Variants in LIN7A observed in about 807,000 individuals in gnomAD.
LIN7A encodes lin-7 cell polarity scaffold A, also known as protein lin-7 homolog A.
Under a neutral mutation model 29.8 loss-of-function variants are expected in LIN7A, and 25 were observed. The ratio of observed to expected loss-of-function variants is 0.84; its 90% CI spans 0.61 to 1.17. The LOEUF (loss-of-function observed/expected upper bound fraction) is 1.17. LIN7A is among the 50% of genes most tolerant of loss of function. The pLI, the probability that LIN7A is intolerant of heterozygous loss-of-function variation, is 0.00. For synonymous variants in LIN7A, 118 were observed against 107.5 expected, an observed-to-expected ratio of 1.10 and a Z score of -0.60; for missense variants, 239 against 287.0, an observed-to-expected ratio of 0.83 and a Z score of 1.21.
chr12:80,845,540 A>C lies in LIN7A; in HGVS notation c.483+190T>G, dbSNP rs2121548899. 8.0e-6 allele frequency: 4 copies of C among 500,792 alleles called. No homozygotes were observed. In the East Asian group the frequency reaches 1.3e-4, roughly 16 times the overall value. The allele number at this position is 500,792 out of a possible 1,614,324, so 31.0% of individuals were successfully genotyped here. A position where few individuals can be genotyped will look rare whatever the true frequency, so the allele number is the denominator to read the frequency against. ...ACTCACTGATATTTATCATAACTGAACATAATGAAATGAGACATAAAAATT... is the reference window on the plus strand; with the variant it reads ...ACTCACTGATATTTATCATAACTGACCATAATGAAATGAGACATAAAAATT... On this transcript the variant is annotated intron_variant, in intron 4 of 5. Coordinates refer to ENST00000552864, the MANE Select transcript of LIN7A (RefSeq NM_004664.4).
At chr12:80,881,551 A>G (rs983870326) in intron 2 of LIN7A, among the ~76,000 whole-genome samples, 33 of 152,290 alleles carry the variant, frequency 2.2e-4, no homozygotes, top group African/African-American at 7.0e-4. Context: ...AAATATTAAA[A>G]CATTAAATAC....
chr12:80,923,138 A>G (rs1378279002), intron 1 of LIN7A, among the ~76,000 whole-genome samples: 3 of 152,168 alleles, frequency 2.0e-5, no homozygotes, highest in Admixed American at 6.5e-5. Context: ...AAGAAAGGCG[A>G]ACTTGCACTC....
At chr12:80,918,076 C>T (rs1254540003) in intron 1 of LIN7A, among the ~76,000 whole-genome samples, 2 of 151,916 alleles carry the variant, frequency 1.3e-5, no homozygotes, top group Non-Finnish European at 2.9e-5. Context: ...GAGACATCAT[C>T]TCCCTGTGTC....
intron 5 of LIN7A, among the ~76,000 whole-genome samples, chr12:80,810,671 C>T (rs1363561624): frequency 2.0e-5 from 3 of 152,154 alleles, no homozygotes; most frequent in Non-Finnish European, 4.4e-5. Flanking sequence ...TCCATATTGT[C>T]TGTCAAATTG....
intron 4 of LIN7A, among the ~76,000 whole-genome samples, chr12:80,830,938 T>G (rs1351665985): frequency 6.6e-6 from 1 of 152,196 alleles, no homozygotes; most frequent in African/African-American, 2.4e-5. Context: ...CTCCCTGCCA[T>G]AGCATCCCCT....
At position 80,793,849 on chromosome 12, in the gene LIN7A, T is replaced by C. The variant is rs996685950; in HGVS notation, c.*3878A>G. On this transcript the variant is annotated 3_prime_UTR_variant, in exon 6 of 6. Transcript: ENST00000552864. ...TTTTTATATAAAAATGAAAATATCT[T>C]TTATAAAATTTAAAAATGGGGTTTT... The C allele has an allele frequency of 6.6e-6, 1 of 152,136 alleles. No homozygotes were observed. The allele number at this position is 152,136 out of a possible 1,614,324, so 9.4% of individuals were successfully genotyped here.
At chr12:80,800,404 G>T (rs958772572) in intron 5 of LIN7A, among the ~76,000 whole-genome samples, 1 of 139,550 alleles carries the variant, frequency 7.2e-6, no homozygotes, top group Admixed American at 7.8e-5. Context: ...CAGGAGAATT[G>T]CTTGAACCCG....
At chr12:80,928,237 T>C (rs1877712733) in intron 1 of LIN7A, among the ~76,000 whole-genome samples, 1 of 152,200 alleles carries the variant, frequency 6.6e-6, no homozygotes, top group African/African-American at 2.4e-5. Context: ...ATGGGATCGC[T>C]GGGTCAAATA....
chr12:80,902,728 C>T (rs1876288694), intron 1 of LIN7A, among the ~76,000 whole-genome samples: 1 of 152,062 alleles, frequency 6.6e-6, no homozygotes, highest in South Asian at 2.1e-4. Context: ...TGAAACTTTA[C>T]TTAAGTCATT....
At chr12:80,907,226 C>A (rs1163686) in intron 1 of LIN7A, among the ~76,000 whole-genome samples, 1 of 151,960 alleles carries the variant, frequency 6.6e-6, no homozygotes, top group African/African-American at 2.4e-5. Flanking sequence ...TTATTGTGTG[C>A]TATCTTTCAG....
intron 1 of LIN7A, among the ~76,000 whole-genome samples, chr12:80,919,218 C>T (rs1463309488): frequency 6.6e-6 from 1 of 152,174 alleles, no homozygotes; most frequent in Non-Finnish European, 1.5e-5. Context: ...TCTGTCTTCC[C>T]ATCTGGGAAC....
At chr12:80,891,465 C>T (rs1441581518) in intron 1 of LIN7A, among the ~76,000 whole-genome samples, 2 of 152,138 alleles carry the variant, frequency 1.3e-5, no homozygotes, top group Non-Finnish European at 2.9e-5. Flanking sequence ...TAAGACATGC[C>T]ACAGAATTCC....
intron 1 of LIN7A, among the ~76,000 whole-genome samples, chr12:80,913,231 A>C (rs1489400187): frequency 6.6e-6 from 1 of 152,246 alleles, no homozygotes; most frequent in African/African-American, 2.4e-5. Flanking sequence ...GGTATTAAAT[A>C]GATCTAATTA....
At chr12:80,817,492 G>T (rs1871591236) in intron 4 of LIN7A, among the ~76,000 whole-genome samples, 1 of 152,094 alleles carries the variant, frequency 6.6e-6, no homozygotes, top group South Asian at 2.1e-4. Context: ...AACAAGAGTT[G>T]GCTAGACCTT....
intron 2 of LIN7A, among the ~76,000 whole-genome samples, chr12:80,884,678 G>T (rs927177559): frequency 1.3e-5 from 2 of 152,120 alleles, no homozygotes; most frequent in African/African-American, 2.4e-5. Flanking sequence ...AACTGACCCA[G>T]TTTTGAAATC....
At chr12:80,889,406 TA>T in intron 1 of LIN7A, 37 bp from the exon 2 acceptor site, 1 of 1,270,116 alleles carries the variant, frequency 7.9e-7, no homozygotes, top group Non-Finnish European at 1.1e-6. Context: ...AAACCTAGAA[TA>T]AATTGTATCT....
At chr12:80,878,052 C>T (rs367867705) in intron 2 of LIN7A, among the ~76,000 whole-genome samples, 3 of 152,270 alleles carry the variant, frequency 2.0e-5, no homozygotes, top group Non-Finnish European at 2.9e-5. Context: ...TCTGGAAATA[C>T]GCACTGTTTA....
At chr12:80,820,640 C>T (rs1871756089) in intron 4 of LIN7A, among the ~76,000 whole-genome samples, 1 of 151,864 alleles carries the variant, frequency 6.6e-6, no homozygotes, top group Non-Finnish European at 1.5e-5. Flanking sequence ...TACACACACA[C>T]ACACACACAC....
chr12:80,905,638 A>G (rs1172368189), intron 1 of LIN7A, among the ~76,000 whole-genome samples: 3 of 152,124 alleles, frequency 2.0e-5, no homozygotes, highest in African/African-American at 4.8e-5. Flanking sequence ...CCTCATACAC[A>G]TGTATTTCAA....
Sources: gnomAD v4.1 joint callset for allele counts (sites outside exome capture counted in the v4.1 genomes callset) on GRCh38, gnomAD v4.1.1 for gene constraint, MANE v1.5 for transcripts, NCBI Gene and HGNC (gene_info 2026-07-23, HGNC 2026-07-21) for gene names.